PCDHGA9: variants seen among roughly 807,000 people sequenced by gnomAD.
PCDHGA9 encodes the protein protocadherin gamma-A9.
In PCDHGA9, 37 loss-of-function variants were observed where a neutral mutation model predicts 62.5. The ratio of observed to expected loss-of-function variants is 0.59; its 90% CI spans 0.46 to 0.78. The LOEUF (loss-of-function observed/expected upper bound fraction) is 0.78. Among genes scored for constraint, PCDHGA9 ranks in the 30% least tolerant of loss-of-function variants. PCDHGA9 has a pLI of 0.00. For synonymous variants in PCDHGA9, 459 were observed against 484.6 expected (o/e 0.95, Z 0.69); for missense variants, 1,138 against 1,166.2 (o/e 0.98, Z 0.35).
intron 1 of PCDHGA9, among the ~76,000 whole-genome samples, chr5:141,443,812 G>A (rs1441798548): frequency 6.6e-6 from 1 of 151,990 alleles, no homozygotes; most frequent in Admixed American, 6.6e-5. Flanking sequence ...AGTTACCTTT[G>A]GAAAACATAA....
chr5:141,482,981 AGG>A (rs2099575420), intron 1 of PCDHGA9, among the ~76,000 whole-genome samples: 1 of 150,250 alleles, frequency 6.7e-6, no homozygotes, highest in African/African-American at 2.5e-5. Context: ...GCTACTTGAG[AGG>A]TCGAGGCAGG....
chr5:141,489,951 T>C lies in PCDHGA9; in HGVS notation c.2425-4856T>C. On this transcript the variant is annotated intron_variant, in intron 1 of 3. Coordinates refer to ENST00000573521, the MANE Select transcript of PCDHGA9 (RefSeq NM_018921.3). The surrounding 1 kb of genome is among the most constrained non-coding windows in gnomAD (Gnocchi z 4.5). ...CTGTCATCGTGCTGGACATCAATGATAATGCTCCAACCTTCCAATCCTCAG... is the reference window on the plus strand; with the variant it reads ...CTGTCATCGTGCTGGACATCAATGACAATGCTCCAACCTTCCAATCCTCAG... 6.2e-7 allele frequency: 1 copy of C among 1,614,210 alleles called. No homozygotes were observed. Among genetic ancestry groups the C allele is most frequent in the Non-Finnish European group, 8.5e-7 (1 of 1,180,032 alleles).
intron 3 of PCDHGA9, chr5:141,508,338 A>T (rs1245526252): frequency 1.3e-5 from 2 of 152,224 alleles, no homozygotes; most frequent in Non-Finnish European, 2.9e-5. Flanking sequence ...AACTGACTCT[A>T]CAGAAAGTCA....
intron 3 of PCDHGA9, among the ~76,000 whole-genome samples, chr5:141,510,373 T>TC (rs112437269): frequency 0.25 from 37,727 of 151,394 alleles, 4,765 homozygotes; most frequent in Admixed American, 0.33. Context: ...GAATCTCTAC[T>TC]CGTGCCAGGC....
intron 1 of PCDHGA9, chr5:141,422,545 T>C: frequency 6.2e-7 from 1 of 1,614,000 alleles, no homozygotes; most frequent in Non-Finnish European, 8.5e-7. Context: ...AACTCATGTC[T>C]GGCTGAATGT....
chr5:141,463,747 G>A (rs994400482), intron 1 of PCDHGA9, among the ~76,000 whole-genome samples: 13 of 152,082 alleles, frequency 8.5e-5, no homozygotes, highest in Middle Eastern at 3.4e-3. Context: ...CGCCCGGCCT[G>A]CTTCTCTTCT....
intron 1 of PCDHGA9, among the ~76,000 whole-genome samples, chr5:141,459,111 A>G (rs2098961190): frequency 1.3e-5 from 2 of 152,218 alleles, no homozygotes; most frequent in Non-Finnish European, 2.9e-5. Flanking sequence ...CATTTTGACA[A>G]TTGTTTACAT....
At chr5:141,498,105 G>A (rs150297456) in intron 2 of PCDHGA9, among the ~76,000 whole-genome samples, 4 of 152,206 alleles carry the variant, frequency 2.6e-5, no homozygotes, top group African/African-American at 9.7e-5. Flanking sequence ...TGGTGTGGGC[G>A]TATAATAGGG....
Position 141,422,887 on chromosome 5 carries a change from C to G in PCDHGA9, c.2424+17511C>G, listed in dbSNP as rs2154549815. ...CAACGTGTCGCTGAGCCTGTTCGTG[C>G]TGGACCAGAACGACAATGCGCCCGA... On this transcript the variant is annotated intron_variant, in intron 1 of 3. Coordinates refer to ENST00000573521, the MANE Select transcript of PCDHGA9 (RefSeq NM_018921.3). The G allele has an allele frequency of 2.5e-6, 4 of 1,614,264 alleles. No homozygotes were observed. In the Middle Eastern group the frequency reaches 4.9e-4, roughly 200 times the overall value.
chr5:141,407,505 T>TTTTTTTTTTTTTTTTTTTTTTTTTTTTTG (rs1460306566), intron 1 of PCDHGA9, among the ~76,000 whole-genome samples: 2 of 152,144 alleles, frequency 1.3e-5, no homozygotes, highest in Non-Finnish European at 1.5e-5. Context: ...CTGTTTTTCT[T>TTTTTTTTTTTTTTTTTTTTTTTTTTTTTG]AGGCTATGTA....
intron 2 of PCDHGA9, among the ~76,000 whole-genome samples, chr5:141,502,404 C>G (rs1270930372): frequency 6.6e-6 from 1 of 151,880 alleles, no homozygotes; most frequent in African/African-American, 2.4e-5. Context: ...TGTCCCCGAA[C>G]CTGGATTTGC....
intron 1 of PCDHGA9, chr5:141,423,165 C>T (rs1307049367): frequency 6.8e-6 from 11 of 1,613,434 alleles, no homozygotes; most frequent in Admixed American, 3.3e-5. Context: ...TCGTGGTGGC[C>T]GTCCAGGACC....
rs756476818 is a variant in PCDHGA9 at position 141,431,027 on chromosome 5, A to G, written c.2424+25651A>G. The G allele has an allele frequency of 6.2e-6, 10 of 1,614,034 alleles. No homozygotes were observed. The highest frequency in any genetic ancestry group is 1.1e-5 in the South Asian group (1 of 91,078). On this transcript the variant is annotated intron_variant, in intron 1 of 3. Coordinates refer to ENST00000573521, the MANE Select transcript of PCDHGA9 (RefSeq NM_018921.3). This position sits in a 1 kb window ranked among gnomAD's most constrained non-coding sequence, Gnocchi z 4.8. ...CGGCAGCTTGGTCACGGCGGGCAGG[A>G]TAGACCGGGAGGAGCTCTGTATGGG...
chr5:141,505,794 G>A (rs1423502957), intron 3 of PCDHGA9, among the ~76,000 whole-genome samples: 1 of 152,142 alleles, frequency 6.6e-6, no homozygotes, highest in East Asian at 1.9e-4. Context: ...CTATCCTTGG[G>A]ACTTGGATCG....
At chr5:141,412,385 AT>A (rs1277702119) in intron 1 of PCDHGA9, 2 of 152,236 alleles carry the variant, frequency 1.3e-5, no homozygotes, top group Admixed American at 1.3e-4. Flanking sequence ...AAATAGGTCC[AT>A]TTAACTTGTA....
chr5:141,419,715 T>A, intron 1 of PCDHGA9: 5 of 1,613,288 alleles, frequency 3.1e-6, no homozygotes, highest in Non-Finnish European at 4.2e-6. Context: ...CTCTTCAGCC[T>A]GGGGCTGCGA....
chr5:141,423,184 C>G (rs747938944), intron 1 of PCDHGA9: 3 of 1,613,560 alleles, frequency 1.9e-6, no homozygotes, highest in Non-Finnish European at 2.5e-6. Context: ...CCACGGCCAG[C>G]CCCCTCTCTC....
At position 141,409,172 on chromosome 5, in the gene PCDHGA9, G is replaced by T. The variant is rs574905228; in HGVS notation, c.2424+3796G>T. ...CACCATGGAAGTGGAAGCGAAGGAC[G>T]GAGGTGGTCTCTCTACCCAGTGTAA... On this transcript the variant is annotated intron_variant, in intron 1 of 3. Coordinates refer to ENST00000573521, the MANE Select transcript of PCDHGA9 (RefSeq NM_018921.3). The T allele has an allele frequency of 1.4e-5, 22 of 1,614,006 alleles. No homozygotes were observed. In the South Asian group the frequency reaches 2.4e-4, roughly 18 times the overall value.
rs776779922 is a variant in PCDHGA9 at position 141,404,906 on chromosome 5, C to T, written c.1954C>T (p.Pro652Ser). The T allele has an allele frequency of 4.3e-6, 7 of 1,613,864 alleles. No homozygotes were observed. Among genetic ancestry groups the T allele is most frequent in the Non-Finnish European group, 5.1e-6 (6 of 1,179,858 alleles). ...GGTGGCTGTACAGGACCATGGCCAGCCCCCTCTCTCGGCCACTGTCACGCT... is the reference window on the plus strand; with the variant it reads ...GGTGGCTGTACAGGACCATGGCCAGTCCCCTCTCTCGGCCACTGTCACGCT... ...LVVAVQDHGQ[P>S]PLSATVTLTV... Residue 652 changes from proline to serine, a missense_variant, in exon 1 of 4, where the codon CCC becomes TCC. Physicochemically the swap from Pro to Ser is moderately conservative, Grantham distance 74 (BLOSUM62 -1). Transcript: ENST00000573521.
Sources: allele counts gnomAD v4.1 joint callset (sites outside exome capture counted in the v4.1 genomes callset), GRCh38; gene constraint gnomAD v4.1.1; non-coding constraint Gnocchi (gnomAD v3.1); transcripts MANE v1.5; gene names NCBI Gene and HGNC (gene_info 2026-07-23, HGNC 2026-07-21).